The following RPTOR variants were observed in gnomAD, a reference collection of about 807,000 sequenced individuals.
The protein encoded by RPTOR is regulatory-associated protein of mTOR.
In RPTOR, 21 loss-of-function variants were observed where a neutral mutation model predicts 169.9. That is an observed-to-expected ratio of 0.12 (90% CI 0.09 to 0.18). RPTOR has a LOEUF of 0.18. Among genes scored for constraint, RPTOR ranks in the 10% least tolerant of loss-of-function variants. The probability of loss-of-function intolerance (pLI) is 1.00; values close to 1 mark genes in which losing one functional copy is unlikely to be tolerated. For synonymous variants in RPTOR, 732 were observed against 753.2 expected (o/e 0.97, Z 0.46); for missense variants, 1,133 against 1,855.9 (o/e 0.61, Z 7.16).
chr17:80,855,315 G>A (rs1300453675), intron 11 of RPTOR, 149 bp from the exon 12 acceptor site: 14 of 631,106 alleles, frequency 2.2e-5, no homozygotes, highest in South Asian at 7.7e-5. Flanking sequence ...AACTTGTAAG[G>A]AAAGGAGCAC....
chr17:80,918,555 T>C (rs541346282), intron 21 of RPTOR, among the ~76,000 whole-genome samples: 4 of 149,490 alleles, frequency 2.7e-5, no homozygotes, highest in Non-Finnish European at 4.5e-5. Context: ...CTCACGGGGG[T>C]CATAGCCATG....
intron 6 of RPTOR, among the ~76,000 whole-genome samples, chr17:80,779,009 G>C (rs902735396): frequency 1.3e-5 from 2 of 152,190 alleles, no homozygotes; most frequent in Non-Finnish European, 2.9e-5. Flanking sequence ...TTGTGGTTTA[G>C]CACAAAACCA....
chr17:80,659,660 G>T lies in RPTOR; in HGVS notation c.348+15850G>T, dbSNP rs9319607. 6.6e-6 allele frequency among the ~76,000 whole-genome samples: 1 copy of T among 152,118 alleles called. No individual in the cohort carries two copies. On this transcript the variant is annotated intron_variant, in intron 3 of 33. Transcript: ENST00000306801. This position sits in a 1 kb window ranked among gnomAD's most constrained non-coding sequence, Gnocchi z 4.3. ...TAGCTGGGACTACGGGCACGCACCA[G>T]CACACTCGGCTAATTTCTGTATTTT...
rs1241084810 is a variant in RPTOR, at chr17:80,823,056, T to G, written c.992-23T>G. 6.2e-7 allele frequency: 1 copy of G among 1,610,832 alleles called. No homozygotes were observed. Among genetic ancestry groups the G allele is most frequent in the Non-Finnish European group, 8.5e-7 (1 of 1,178,456 alleles). ...TAGACACAAGTCACTGTAGACTCCT[T>G]TTTATCTTTTATCTGCCCTCAGATC... On this transcript the variant is annotated intron_variant, in intron 8 of 33. Transcript: ENST00000306801. The surrounding 1 kb of genome is among the most constrained non-coding windows in gnomAD (Gnocchi z 4.5).
At chr17:80,685,176 G>A (rs545461825) in intron 3 of RPTOR, among the ~76,000 whole-genome samples, 17 of 151,910 alleles carry the variant, frequency 1.1e-4, no homozygotes, top group African/African-American at 3.6e-4. Flanking sequence ...CACCTCATTC[G>A]GAGTCACCCC....
At chr17:80,656,738 A>G (rs1406737708) in intron 3 of RPTOR, among the ~76,000 whole-genome samples, 1 of 152,178 alleles carries the variant, frequency 6.6e-6, no homozygotes, top group African/African-American at 2.4e-5. Flanking sequence ...TTTCTGTGCC[A>G]TGCGTGTGAC....
At chr17:80,903,154 C>T (rs1432168682) in intron 20 of RPTOR, among the ~76,000 whole-genome samples, 1 of 152,250 alleles carries the variant, frequency 6.6e-6, no homozygotes, top group Non-Finnish European at 1.5e-5. Context: ...CCTGCGGAGC[C>T]TGGAGCCGGC....
chr17:80,949,573 A>G, intron 28 of RPTOR, 26 bp downstream of exon 28: 2 of 1,587,516 alleles, frequency 1.3e-6, no homozygotes, highest in Non-Finnish European at 1.7e-6. Context: ...TCCTCCCCAG[A>G]GCAGAATGTG....
intron 20 of RPTOR, among the ~76,000 whole-genome samples, chr17:80,903,473 A>G (rs2068502431): frequency 6.6e-6 from 1 of 152,208 alleles, no homozygotes; most frequent in South Asian, 2.1e-4. Flanking sequence ...TCTCAGCCGC[A>G]CACATTGCGG....
At chr17:80,584,856 TA>T (rs1463007522) in intron 1 of RPTOR, among the ~76,000 whole-genome samples, 2 of 152,210 alleles carry the variant, frequency 1.3e-5, no homozygotes, top group African/African-American at 4.8e-5. Context: ...GAGGCTTTAT[TA>T]AAATAAATGA....
chr17:80,894,652 C>G (rs1397695159), intron 20 of RPTOR, among the ~76,000 whole-genome samples: 3 of 152,220 alleles, frequency 2.0e-5, no homozygotes, highest in Non-Finnish European at 4.4e-5. Context: ...TGAGCCTCAT[C>G]TCCTCTTGTT....
chr17:80,555,462 T>G (rs777417646), intron 1 of RPTOR, among the ~76,000 whole-genome samples: 3 of 152,120 alleles, frequency 2.0e-5, no homozygotes, highest in Non-Finnish European at 4.4e-5. Flanking sequence ...GAACACCCAG[T>G]CTGTCTGGAG....
intron 3 of RPTOR, among the ~76,000 whole-genome samples, chr17:80,699,388 G>C (rs1396019442): frequency 2.0e-5 from 3 of 149,742 alleles, no homozygotes; most frequent in South Asian, 2.1e-4. Flanking sequence ...ACAGTACCCT[G>C]GTGCAGTGAT....
chr17:80,744,889 C>G (rs200230108), intron 5 of RPTOR, among the ~76,000 whole-genome samples: 1 of 77,704 alleles, frequency 1.3e-5, no homozygotes, highest in African/African-American at 6.8e-5. Flanking sequence ...ACAGCCCTGG[C>G]TACTAGCACT....
chr17:80,805,807 G>A (rs2067212762), intron 7 of RPTOR, among the ~76,000 whole-genome samples: 1 of 152,144 alleles, frequency 6.6e-6, no homozygotes, highest in African/African-American at 2.4e-5. Flanking sequence ...GGCCATTCCT[G>A]TCCATTGTTG....
intron 7 of RPTOR, 109 bp downstream of exon 7, chr17:80,791,618 C>T: frequency 2.2e-6 from 2 of 899,446 alleles, no homozygotes; most frequent in Non-Finnish European, 3.4e-6. Flanking sequence ...GGCATGTTCC[C>T]TTTCATGTGG....
In RPTOR at chr17:80,893,829, C is replaced by A; in HGVS notation, c.2365C>A (p.Arg789Ser). 6.5e-7 allele frequency: 1 copy of A among 1,533,994 alleles called. No individual in the cohort carries two copies. Among genetic ancestry groups the A allele is most frequent in the South Asian group, 1.2e-5 (1 of 80,534 alleles). ...LSFETIDKMR[R>S]ASSYSSLNSL... ...CTTCGAGACCATCGACAAGATGCGC[C>A]GCGCCAGCTCCTACTCCTCCCTCAA... The change falls in exon 20 of 34, where the codon CGC (arginine) becomes AGC (serine). Residue 789 changes from arginine to serine, a missense_variant. By Grantham distance (110) the Arg-to-Ser change is moderately radical. This residue lies in a region of RPTOR where 150 missense variants were observed against 206.4 expected (regional missense o/e 0.73). Coordinates refer to ENST00000306801, the MANE Select transcript of RPTOR (RefSeq NM_020761.3).
intron 2 of RPTOR, among the ~76,000 whole-genome samples, chr17:80,638,460 G>A (rs1387546744): frequency 7.0e-6 from 1 of 143,196 alleles, no homozygotes; most frequent in East Asian, 2.0e-4. Context: ...GGAGTGCAGT[G>A]GTGTGATCAT....
chr17:80,557,227 C>T (rs1296087369), intron 1 of RPTOR, among the ~76,000 whole-genome samples: 1 of 152,294 alleles, frequency 6.6e-6, no homozygotes, highest in South Asian at 2.1e-4. Flanking sequence ...AGGTGTCCTC[C>T]AGTTTCTGAC....
Sources: allele counts gnomAD v4.1 joint callset (sites outside exome capture counted in the v4.1 genomes callset), GRCh38; gene constraint gnomAD v4.1.1; regional missense constraint gnomAD v4.1.1; non-coding constraint Gnocchi (gnomAD v3.1); transcripts MANE v1.5; gene names NCBI Gene and HGNC (gene_info 2026-07-23, HGNC 2026-07-21).